Variants in STAT2 observed in about 807,000 individuals in gnomAD.
STAT2 encodes signal transducer and activator of transcription 2.
In STAT2, 51 loss-of-function variants were observed where a neutral mutation model predicts 122.3. That is an observed-to-expected ratio of 0.42 (90% CI 0.33 to 0.53). The LOEUF (loss-of-function observed/expected upper bound fraction) is 0.53. Among genes scored for constraint, STAT2 ranks in the 20% least tolerant of loss-of-function variants. The pLI is 0.10. For missense variants in STAT2, 736 were observed against 1,010.3 expected, an observed-to-expected ratio of 0.73 and a Z score of 3.68; for synonymous variants, 351 against 394.9, an observed-to-expected ratio of 0.89 and a Z score of 1.32.
intron 10 of STAT2, 42 bp downstream of exon 10, chr12:56,351,055 AG>A (rs779399888): frequency 1.9e-6 from 3 of 1,602,532 alleles, no homozygotes; most frequent in Non-Finnish European, 2.6e-6. Flanking sequence ...ACACAGTGGC[AG>A]GGTTGGAAAA....
chr12:56,348,885 T>C (rs368660207), intron 17 of STAT2, 39 bp downstream of exon 17: 7 of 1,613,634 alleles, frequency 4.3e-6, no homozygotes, highest in Middle Eastern at 1.7e-4. Context: ...CAGAAAAGAC[T>C]AAGGCTGGGG....
chr12:56,346,508 G>C lies in STAT2; in HGVS notation c.1978C>G (p.Pro660Ala). 1 of 1,614,206 alleles carries C rather than the reference G, an allele frequency of 6.2e-7. No individual in the cohort carries two copies. Among genetic ancestry groups the C allele is most frequent in the Non-Finnish European group, 8.5e-7 (1 of 1,180,046 alleles). Residue 660 changes from proline (P) to alanine (A), a missense_variant, in exon 21 of 24, where the codon CCA (proline) becomes GCA (alanine). By Grantham distance (27) the Pro-to-Ala change is conservative. Transcript: ENST00000314128. ...LLTEENIPEN[P>A]LRFLYPRIPR... ...ATTCGGGGATAGAGGAAGCGCAGTG[G>C]GTTTTCAGGTATATTCTCCTCAGTG...
intron 1 of STAT2, among the ~76,000 whole-genome samples, chr12:56,357,631 C>T (rs540426222): frequency 5.9e-5 from 9 of 152,130 alleles, no homozygotes; most frequent in Non-Finnish European, 2.9e-5. Context: ...AGGCGTGAGC[C>T]GCTGTGCCCA....
chr12:56,355,620 G>T (rs1879383163), intron 4 of STAT2, 88 bp from the exon 5 acceptor site: 5 of 1,585,732 alleles, frequency 3.2e-6, no homozygotes, highest in South Asian at 2.2e-5. Flanking sequence ...ATGTCGGGGG[G>T]ATCCTGTTCT....
intron 10 of STAT2, 87 bp from the exon 11 acceptor site, chr12:56,350,975 A>T: frequency 6.3e-7 from 1 of 1,580,290 alleles, no homozygotes; most frequent in South Asian, 1.1e-5. Flanking sequence ...GAGGGATTAT[A>T]AGAGGTAGGG....
chr12:56,356,341 G>C, intron 2 of STAT2, 56 bp from the exon 3 acceptor site: 1 of 1,606,114 alleles, frequency 6.2e-7, no homozygotes, highest in Non-Finnish European at 8.5e-7. Flanking sequence ...GTAGTCCTGA[G>C]GCTTTCCAAC....
At chr12:56,343,581 C>T (rs1876893144) in intron 23 of STAT2, 50 bp from the exon 24 acceptor site, 5 of 1,591,236 alleles carry the variant, frequency 3.1e-6, no homozygotes, top group Middle Eastern at 1.7e-4. Context: ...TTAGGAGTTC[C>T]CAACCCAGCA....
At chr12:56,345,172 C>CA (rs35648397) in intron 22 of STAT2, among the ~76,000 whole-genome samples, 7,538 of 27,006 alleles carry the variant, frequency 0.28, 1,700 homozygotes, top group African/African-American at 0.37. Flanking sequence ...GAGACTGTCT[C>CA]AAAAAAAAAA....
In STAT2 at chr12:56,343,223, G is replaced by A; in HGVS notation, c.*166C>T. On this transcript the variant is annotated 3_prime_UTR_variant, in exon 24 of 24. Coordinates refer to ENST00000314128, the MANE Select transcript of STAT2 (RefSeq NM_005419.4). ...TCATTGTTGTCCCCTCTGTACCCAT[G>A]TTATGCTTTCACCTCTCACCCCAAT... 2.3e-6 allele frequency: 2 copies of A among 879,030 alleles called. No homozygotes were observed. The highest frequency in any genetic ancestry group is 3.4e-6 in the Non-Finnish European group (2 of 586,970). The allele number at this position is 879,030 out of a possible 1,614,324, so 54.5% of individuals were successfully genotyped here.
At chr12:56,346,999 C>A in intron 19 of STAT2, 44 bp from the exon 20 acceptor site, 1 of 1,599,880 alleles carries the variant, frequency 6.3e-7, no homozygotes, top group African/African-American at 1.3e-5. Context: ...CAACACCCTG[C>A]CCCACCAGGC....
chr12:56,346,572 T>G lies in STAT2; in HGVS notation c.1914A>C (p.Ser638=). Residue 638 remains serine, a synonymous_variant, in exon 21 of 24, where the codon TCA becomes TCC. Coordinates refer to ENST00000314128, the MANE Select transcript of STAT2 (RefSeq NM_005419.4). ...GGCGGATGATTTCAGTCAGCGGGAG[T>G]GACTGCAGCACCTCCTTCGTGTACG... The part of the protein sequence containing the change: ...VQPYTKEVLQ[S]LPLTEIIRHY... 6.2e-7 allele frequency: 1 copy of G among 1,613,860 alleles called. No individual in the cohort carries two copies. Among genetic ancestry groups the G allele is most frequent in the Non-Finnish European group, 8.5e-7 (1 of 1,179,982 alleles).
At position 56,348,430 on chromosome 12, in the gene STAT2, C is replaced by T; in HGVS notation, c.1724+99G>A. 22 of 1,279,994 alleles carry T rather than the reference C, an allele frequency of 1.7e-5. No homozygotes were observed. The South Asian group carries it at 2.7e-4, about 16-fold the overall frequency. The allele number at this position is 1,279,994 out of a possible 1,614,324, so 79.3% of individuals were successfully genotyped here. A position where few individuals can be genotyped will look rare whatever the true frequency, so the allele number is the denominator to read the frequency against. Reference sequence around the variant, plus strand: ...GTGAGGAGACGTGGCCTGCACCTGTCTTTGCTCTCTCTCCCTGCTTGCCAC... The same window carrying T: ...GTGAGGAGACGTGGCCTGCACCTGTTTTTGCTCTCTCTCCCTGCTTGCCAC... On this transcript the variant is annotated intron_variant, in intron 19 of 23. Transcript: ENST00000314128.
rs1876879321 is a variant in STAT2 at position 56,343,509 on chromosome 12, A to C, written c.2436T>G (p.Ile812Met). 7 of 1,614,122 alleles carry C rather than the reference A, an allele frequency of 4.3e-6. No homozygotes were observed. The highest frequency in any genetic ancestry group is 5.9e-6 in the Non-Finnish European group (7 of 1,180,014). The change falls in exon 24 of 24, where the codon ATT becomes ATG. Residue 812 changes from isoleucine (I) to methionine (M), a missense_variant. By Grantham distance (10) the Ile-to-Met change is conservative (BLOSUM62 1). Coordinates refer to ENST00000314128, the MANE Select transcript of STAT2 (RefSeq NM_005419.4). Reference protein sequence around the residue: ...PMEIFRNCVKIEEIMPNGDPL... With the variant: ...PMEIFRNCVKMEEIMPNGDPL... ...GGTCACCATTCGGCATGATTTCTTCAATCTTTACACAGTTTCTGAAGACTA... is the reference window on the plus strand; with the variant it reads ...GGTCACCATTCGGCATGATTTCTTCCATCTTTACACAGTTTCTGAAGACTA...
At chr12:56,355,827 T>C (rs759051231) in intron 3 of STAT2, 24 bp from the exon 4 acceptor site, 24 of 1,605,778 alleles carry the variant, frequency 1.5e-5, no homozygotes, top group Admixed American at 8.3e-5. Context: ...ACAGAAAGGA[T>C]TGATCCAATT....
Position 56,356,144 on chromosome 12 carries a change from G to A in STAT2, c.273C>T (p.Cys91=). Residue 91 remains cysteine (C), a synonymous_variant, in exon 3 of 24, where the codon TGC becomes TGT. Coordinates refer to ENST00000314128, the MANE Select transcript of STAT2 (RefSeq NM_005419.4). ...LLLQHNLRKF[C]RDIQPFSQDP... ...CCGTTCCAAGTACCTGAATGTCCCG[G>A]CAGAATTTCCGCAAATTGTGCTGCA... 1.2e-6 allele frequency: 2 copies of A among 1,613,910 alleles called. No homozygotes were observed. Among genetic ancestry groups the A allele is most frequent in the Non-Finnish European group, 1.7e-6 (2 of 1,179,884 alleles).
At chr12:56,348,106 TGAG>T (rs1877804504) in intron 19 of STAT2, among the ~76,000 whole-genome samples, 1 of 150,020 alleles carries the variant, frequency 6.7e-6, no homozygotes. Flanking sequence ...TTTTTTTTTT[TGAG>T]ACGGAGTCTT....
At chr12:56,351,588 TA>T in intron 8 of STAT2, 138 bp from the exon 9 acceptor site, 1 of 902,414 alleles carries the variant, frequency 1.1e-6, no homozygotes, top group Non-Finnish European at 1.7e-6. Flanking sequence ...AGGAAGCATA[TA>T]AAGGATTATT....
At chr12:56,356,381 C>T in intron 2 of STAT2, 60 bp downstream of exon 2, 1 of 1,607,846 alleles carries the variant, frequency 6.2e-7, no homozygotes, top group Non-Finnish European at 8.5e-7. Flanking sequence ...TTCCAGGATC[C>T]CGGGGGCCCA....
At chr12:56,357,322 G>A (rs1049931899) in intron 1 of STAT2, among the ~76,000 whole-genome samples, 3 of 152,016 alleles carry the variant, frequency 2.0e-5, no homozygotes, top group Non-Finnish European at 4.4e-5. Context: ...TTACAGGCAT[G>A]AGCCACTGTG....
Sources: allele counts gnomAD v4.1 joint callset (sites outside exome capture counted in the v4.1 genomes callset), GRCh38; gene constraint gnomAD v4.1.1; transcripts MANE v1.5; gene names NCBI Gene and HGNC (gene_info 2026-07-23, HGNC 2026-07-21).